The following FBXL17 variants were observed in gnomAD, a reference collection of about 807,000 sequenced individuals.
FBXL17 encodes the protein F-box and leucine rich repeat protein 17, also known as F-box/LRR-repeat protein 17.
Under a neutral mutation model 66.2 loss-of-function variants are expected in FBXL17, and 22 were observed. That is an observed-to-expected ratio of 0.33 (90% CI 0.24 to 0.47). The LOEUF (loss-of-function observed/expected upper bound fraction) is 0.47, where lower values mean the gene tolerates loss of function less well. Ranked by LOEUF, FBXL17 falls within the 20% of genes least tolerant of loss-of-function variation. The pLI, the probability that FBXL17 is intolerant of heterozygous loss-of-function variation, is 1.00. For synonymous variants in FBXL17, 474 were observed against 400.5 expected (o/e 1.18, Z -2.19); for missense variants, 878 against 948.2 (o/e 0.93, Z 0.97).
chr5:107,870,660 A>C (rs922221127), intron 8 of FBXL17, among the ~76,000 whole-genome samples: 1 of 150,124 alleles, frequency 6.7e-6, no homozygotes, highest in South Asian at 2.1e-4. Context: ...ATCTCAGCTC[A>C]CTGCAACCTC....
intron 7 of FBXL17, among the ~76,000 whole-genome samples, chr5:107,910,888 C>T (rs1362844220): frequency 1.3e-5 from 2 of 151,928 alleles, no homozygotes; most frequent in Non-Finnish European, 2.9e-5. Context: ...TATTAAAGGA[C>T]ATTAAGGAAG....
chr5:107,968,925 C>A (rs1208128869), intron 7 of FBXL17, among the ~76,000 whole-genome samples: 4 of 151,952 alleles, frequency 2.6e-5, no homozygotes, highest in Admixed American at 2.6e-4. Context: ...TCAAAAATGG[C>A]CATGATGACC....
chr5:108,177,110 T>G (rs1029686647), intron 6 of FBXL17, among the ~76,000 whole-genome samples: 5 of 152,196 alleles, frequency 3.3e-5, no homozygotes, highest in Admixed American at 6.5e-5. Flanking sequence ...CAAGGAAGCA[T>G]TTACAGATAG....
chr5:108,380,610 G>T, intron 1 of FBXL17, 89 bp downstream of exon 1: 1 of 852,160 alleles, frequency 1.2e-6, no homozygotes, highest in Non-Finnish European at 1.6e-6. Context: ...CCCCTCCTCC[G>T]CGCTTAGGGG....
At chr5:108,204,394 C>T (rs1400380099) in intron 5 of FBXL17, among the ~76,000 whole-genome samples, 2 of 151,948 alleles carry the variant, frequency 1.3e-5, no homozygotes, top group African/African-American at 2.4e-5. Flanking sequence ...ATTAATAGCC[C>T]AGGCTGGTCT....
intron 7 of FBXL17, among the ~76,000 whole-genome samples, chr5:107,953,361 C>T (rs1005471549): frequency 1.0e-4 from 15 of 147,268 alleles, no homozygotes; most frequent in Non-Finnish European, 1.5e-4. Context: ...CGAGATCTCA[C>T]CACTGCACTC....
Position 108,184,243 on chromosome 5 carries a change from C to A in FBXL17, c.1745+1874G>T, listed in dbSNP as rs530843181. Among the ~76,000 whole-genome samples the A allele has an allele frequency of 2.9e-3, 442 of 152,292 alleles. 4 individuals carry two copies. Among genetic ancestry groups the A allele is most frequent in the Middle Eastern group, 0.01 (3 of 294 alleles). On this transcript the variant is annotated intron_variant, in intron 6 of 8. Transcript: ENST00000542267. Reference sequence around the variant, plus strand: ...AGTAGTTTGACACCAGCCTGGCCAACAGAAACGCCATCTCTACTAAAAATA... The same window carrying A: ...AGTAGTTTGACACCAGCCTGGCCAAAAGAAACGCCATCTCTACTAAAAATA...
intron 6 of FBXL17, among the ~76,000 whole-genome samples, chr5:108,050,193 A>G (rs11743938): frequency 0.32 from 49,389 of 152,146 alleles, 9,454 homozygotes; most frequent in Admixed American, 0.43. Flanking sequence ...ACAGAAAATT[A>G]ACAAGGATAT....
intron 6 of FBXL17, among the ~76,000 whole-genome samples, chr5:108,035,073 T>C (rs1014123624): frequency 3.9e-5 from 6 of 152,176 alleles, no homozygotes; most frequent in Admixed American, 2.0e-4. Context: ...AATTACTCAA[T>C]TGTTTTCAAA....
chr5:107,916,782 C>T (rs1395810046), intron 7 of FBXL17, among the ~76,000 whole-genome samples: 1 of 152,108 alleles, frequency 6.6e-6, no homozygotes, highest in Non-Finnish European at 1.5e-5. Flanking sequence ...TGTTCATCTT[C>T]CACAAAATAA....
intron 6 of FBXL17, among the ~76,000 whole-genome samples, chr5:108,067,740 C>A (rs748159648): frequency 7.2e-5 from 11 of 152,130 alleles, no homozygotes; most frequent in Non-Finnish European, 1.2e-4. Context: ...TGGATCTGCT[C>A]CTACATATTT....
rs906102490 is a variant in FBXL17 at position 108,381,011 on chromosome 5, ACCGCCG to A, written c.675_680del (p.Gly230_Gly231del). The A allele has an allele frequency of 6.8e-4, 799 of 1,180,606 alleles. No individual in the cohort carries two copies. Among genetic ancestry groups the A allele is most frequent in the African/African-American group, 3.5e-3 (216 of 61,874 alleles). 73.1% of individuals were successfully genotyped at this position (1,180,606 alleles called of 1,614,324 possible). A position where few individuals can be genotyped will look rare whatever the true frequency, so the allele number is the denominator to read the frequency against. ...CTCCCCCCGCAGGCCCTCCCCCGCC[ACCGCCG>A]CCGCCGCCGCCGCCGCAGCCCCCGC... On this transcript the variant is annotated inframe_deletion, in exon 1 of 9. Transcript: ENST00000542267.
At chr5:107,948,425 T>C (rs1414502508) in intron 7 of FBXL17, among the ~76,000 whole-genome samples, 1 of 152,208 alleles carries the variant, frequency 6.6e-6, no homozygotes, top group Non-Finnish European at 1.5e-5. Context: ...CACCAAATCC[T>C]GAACATTCAA....
At chr5:108,255,928 C>G (rs181333560) in intron 4 of FBXL17, among the ~76,000 whole-genome samples, 2 of 152,042 alleles carry the variant, frequency 1.3e-5, no homozygotes, top group Admixed American at 1.3e-4. Context: ...CAAAGCAAGG[C>G]GTAAGGCAAG....
intron 4 of FBXL17, among the ~76,000 whole-genome samples, chr5:108,232,142 G>A (rs978314655): frequency 3.9e-5 from 6 of 152,120 alleles, no homozygotes; most frequent in Non-Finnish European, 7.4e-5. Flanking sequence ...GTTTGTGAAT[G>A]TATACACTTG....
chr5:108,078,947 C>T (rs964951459), intron 6 of FBXL17, among the ~76,000 whole-genome samples: 14 of 152,154 alleles, frequency 9.2e-5, no homozygotes, highest in African/African-American at 3.4e-4. Flanking sequence ...CACTCTGTTG[C>T]TCATGCTGCA....
At chr5:108,085,835 G>C (rs966714569) in intron 6 of FBXL17, among the ~76,000 whole-genome samples, 1 of 152,106 alleles carries the variant, frequency 6.6e-6, no homozygotes, top group African/African-American at 2.4e-5. Flanking sequence ...TACTTGGGAG[G>C]ATCACTTGAG....
chr5:108,184,421 C>T (rs2150030129), intron 6 of FBXL17, among the ~76,000 whole-genome samples: 1 of 152,100 alleles, frequency 6.6e-6, no homozygotes, highest in Middle Eastern at 3.4e-3. Context: ...ATTCTCCTGC[C>T]TCAGCCTCCC....
intron 5 of FBXL17, among the ~76,000 whole-genome samples, chr5:108,196,036 A>G (rs1325409780): frequency 6.6e-6 from 1 of 152,246 alleles, no homozygotes; most frequent in African/African-American, 2.4e-5. Context: ...ACGCCTCTAC[A>G]TTTAATATAT....
Sources: allele counts gnomAD v4.1 joint callset (sites outside exome capture counted in the v4.1 genomes callset), GRCh38; gene constraint gnomAD v4.1.1; transcripts MANE v1.5; gene names NCBI Gene and HGNC (gene_info 2026-07-23, HGNC 2026-07-21).